The following GRIA4 variants were observed in gnomAD, a reference collection of about 807,000 sequenced individuals.
GRIA4 encodes the protein glutamate receptor 4.
In GRIA4, 34 loss-of-function variants were observed where a neutral mutation model predicts 104.0. The ratio of observed to expected loss-of-function variants is 0.33; its 90% confidence interval spans 0.25 to 0.44. The LOEUF (loss-of-function observed/expected upper bound fraction) is 0.44, where lower values mean the gene tolerates loss of function less well. Among genes scored for constraint, GRIA4 ranks in the 20% least tolerant of loss-of-function variants. The pLI is 1.00. For synonymous variants in GRIA4, 386 were observed against 381.9 expected (o/e 1.01, Z -0.13); for missense variants, 750 against 1,096.5 (o/e 0.68, Z 4.46).
At chr11:105,808,109 CGT>C (rs369390467) in intron 4 of GRIA4, among the ~76,000 whole-genome samples, 1 of 151,592 alleles carries the variant, frequency 6.6e-6, no homozygotes, top group African/African-American at 2.4e-5. Context: ...TAGTGTTGTT[CGT>C]GTGTGTGTGT....
intron 14 of GRIA4, among the ~76,000 whole-genome samples, chr11:105,943,066 T>G (rs1288092363): frequency 6.6e-6 from 1 of 152,118 alleles, no homozygotes; most frequent in Non-Finnish European, 1.5e-5. Context: ...TTCTCATACC[T>G]CTTTGAAGTT....
intron 4 of GRIA4, among the ~76,000 whole-genome samples, chr11:105,860,973 A>C: frequency 6.9e-6 from 1 of 144,910 alleles, no homozygotes; most frequent in Non-Finnish European, 1.5e-5. Flanking sequence ...AAAAAAAAAA[A>C]AAAAGAGAGA....
chr11:105,741,721 G>A (rs1939321157), intron 3 of GRIA4, among the ~76,000 whole-genome samples: 1 of 152,012 alleles, frequency 6.6e-6, no homozygotes, highest in African/African-American at 2.4e-5. Context: ...CACATTTTGA[G>A]GTCTGTCAAT....
intron 3 of GRIA4, among the ~76,000 whole-genome samples, chr11:105,647,407 A>G (rs1951559452): frequency 1.3e-5 from 2 of 152,206 alleles, no homozygotes; most frequent in South Asian, 4.1e-4. Context: ...ATCTAAAAAC[A>G]GAAATACCAT....
At chr11:105,662,372 C>A (rs531839409) in intron 3 of GRIA4, among the ~76,000 whole-genome samples, 6 of 151,700 alleles carry the variant, frequency 4.0e-5, no homozygotes, top group African/African-American at 1.2e-4. Context: ...AAAAAATAAC[C>A]AAGATCAGAT....
intron 4 of GRIA4, chr11:105,842,640 T>A (rs1010749488): frequency 3.3e-5 from 5 of 152,146 alleles, no homozygotes; most frequent in African/African-American, 1.2e-4. Flanking sequence ...TTTAAGTAGA[T>A]CACGAGATAA....
At chr11:105,895,958 T>A (rs541687651) in intron 6 of GRIA4, among the ~76,000 whole-genome samples, 8 of 152,348 alleles carry the variant, frequency 5.3e-5, no homozygotes, top group African/African-American at 1.9e-4. Context: ...GATTACTAGG[T>A]CAAATGGTAG....
intron 4 of GRIA4, among the ~76,000 whole-genome samples, chr11:105,831,615 A>G (rs894286615): frequency 2.0e-5 from 3 of 152,028 alleles, no homozygotes; most frequent in African/African-American, 7.2e-5. Context: ...TTGTCCCCAT[A>G]CTCATCACGT....
At chr11:105,857,020 A>G (rs1208120728) in intron 4 of GRIA4, among the ~76,000 whole-genome samples, 1 of 152,104 alleles carries the variant, frequency 6.6e-6, no homozygotes, top group African/African-American at 2.4e-5. Context: ...CCCTTTTTGA[A>G]CTACGGCATA....
At chr11:105,725,943 G>A (rs1042575760) in intron 3 of GRIA4, among the ~76,000 whole-genome samples, 3 of 152,100 alleles carry the variant, frequency 2.0e-5, no homozygotes, top group African/African-American at 7.2e-5. Context: ...ATGGTCCCTG[G>A]GTTTCAAGCA....
intron 4 of GRIA4, among the ~76,000 whole-genome samples, chr11:105,860,956 G>GAAA (rs55824302): frequency 7.5e-5 from 8 of 106,080 alleles, no homozygotes; most frequent in Non-Finnish European, 1.2e-4. Context: ...AAGACTGTCT[G>GAAA]AAAAAAAAAA....
chr11:105,840,688 G>A (rs897265865), intron 4 of GRIA4, among the ~76,000 whole-genome samples: 8 of 152,158 alleles, frequency 5.3e-5, no homozygotes, highest in Non-Finnish European at 8.8e-5. Flanking sequence ...AACAATTTCA[G>A]AATTCCCTCT....
chr11:105,769,990 T>C (rs1317117624), intron 4 of GRIA4, among the ~76,000 whole-genome samples: 1 of 152,124 alleles, frequency 6.6e-6, no homozygotes, highest in East Asian at 1.9e-4. Context: ...CTACACCTAC[T>C]GTATATTTCC....
intron 4 of GRIA4, among the ~76,000 whole-genome samples, chr11:105,817,140 G>A (rs1182858339): frequency 6.6e-6 from 1 of 151,962 alleles, no homozygotes; most frequent in Non-Finnish European, 1.5e-5. Flanking sequence ...TCTCAAAGCT[G>A]CAATTTCCTC....
At chr11:105,978,585 C>T (rs1416253136) in intron 16 of GRIA4, among the ~76,000 whole-genome samples, 5 of 152,018 alleles carry the variant, frequency 3.3e-5, no homozygotes, top group Non-Finnish European at 7.4e-5. Flanking sequence ...TATTTAAGCT[C>T]CAGGGCAGAA....
intron 11 of GRIA4, among the ~76,000 whole-genome samples, chr11:105,919,690 A>G (rs1330831562): frequency 6.6e-6 from 1 of 152,146 alleles, no homozygotes; most frequent in Non-Finnish European, 1.5e-5. Context: ...AAATGTCAAA[A>G]TCAAACTGGC....
intron 9 of GRIA4, among the ~76,000 whole-genome samples, chr11:105,909,067 A>G (rs1403788288): frequency 3.3e-5 from 5 of 152,186 alleles, no homozygotes; most frequent in African/African-American, 1.2e-4. Flanking sequence ...GACTATTGAA[A>G]AAACTTGCTG....
intron 10 of GRIA4, chr11:105,912,705 G>A (rs999072295): frequency 1.5e-5 from 14 of 947,318 alleles, no homozygotes; most frequent in African/African-American, 8.9e-5. Flanking sequence ...CTGCATAATC[G>A]TTCAGTAATT....
At position 105,945,038 on chromosome 11, in the gene GRIA4, C is replaced by G. The variant is rs192352915; in HGVS notation, c.2294+11069C>G. 3.3e-5 allele frequency among the ~76,000 whole-genome samples: 5 copies of G among 152,228 alleles called. No homozygotes were observed. In the East Asian group the frequency reaches 9.7e-4, roughly 29 times the overall value. Reference sequence around the variant, plus strand: ...TAGTATTGCTTCAATCATGGTGCTGCTTGTAGCACTATCATTTTACTCTCA... The same window carrying G: ...TAGTATTGCTTCAATCATGGTGCTGGTTGTAGCACTATCATTTTACTCTCA... On this transcript the variant is annotated intron_variant, in intron 14 of 16. Coordinates refer to ENST00000282499, the MANE Select transcript of GRIA4 (RefSeq NM_000829.4).
Sources: allele counts gnomAD v4.1 joint callset (sites outside exome capture counted in the v4.1 genomes callset), GRCh38; gene constraint gnomAD v4.1.1; transcripts MANE v1.5; gene names NCBI Gene and HGNC (gene_info 2026-07-23, HGNC 2026-07-21).